The following TOX3 variants were observed in gnomAD, a reference collection of about 807,000 sequenced individuals.
TOX3 encodes CAG trinucleotide repeat-containing gene F9 protein.
A neutral mutation model predicts 64.3 loss-of-function variants in TOX3; 22 were observed. The observed-to-expected ratio is 0.34, with a 90% confidence interval of 0.24 to 0.49. The LOEUF is 0.49. TOX3 is among the 20% of genes least tolerant of loss of function. The probability of loss-of-function intolerance (pLI) is 0.99; values close to 1 mark genes in which losing one functional copy is unlikely to be tolerated. For synonymous variants in TOX3, 291 were observed against 273.6 expected, an observed-to-expected ratio of 1.06 and a Z score of -0.63; for missense variants, 661 against 714.4, an observed-to-expected ratio of 0.93 and a Z score of 0.85.
intron 1 of TOX3, among the ~76,000 whole-genome samples, chr16:52,507,381 G>A (rs1962186179): frequency 6.6e-6 from 1 of 152,192 alleles, no homozygotes; most frequent in Non-Finnish European, 1.5e-5. Context: ...AACACAGTGA[G>A]AGTGAGACCC....
intron 6 of TOX3, among the ~76,000 whole-genome samples, chr16:52,441,342 A>C (rs181400129): frequency 1.2e-3 from 186 of 152,332 alleles, no homozygotes; most frequent in Non-Finnish European, 2.3e-3. Flanking sequence ...TTAGTTCATC[A>C]ACTATTTTTG....
chr16:52,498,868 G>A (rs1280091770), intron 1 of TOX3, among the ~76,000 whole-genome samples: 1 of 152,188 alleles, frequency 6.6e-6, no homozygotes, highest in African/African-American at 2.4e-5. Flanking sequence ...GTATTCAAAT[G>A]AAGGATGTAC....
chr16:52,536,091 G>T (rs150842325), intron 1 of TOX3, among the ~76,000 whole-genome samples: 1 of 152,096 alleles, frequency 6.6e-6, no homozygotes, highest in Non-Finnish European at 1.5e-5. Context: ...CATTTTATGT[G>T]CCAGGCACTT....
rs1001381850 is a variant in TOX3, at chr16:52,450,367, A to G, written c.588T>C (p.Pro196=). The change falls in exon 4 of 7, where the codon CCT becomes CCC. Residue 196 remains proline, a synonymous_variant. Coordinates refer to ENST00000219746, the MANE Select transcript of TOX3 (RefSeq NM_001080430.4). Reference sequence around the variant, plus strand: ...TTGCTGGAGGTGAAGGAGATGTGTGAGGCATACTGGCACCTCCCAAATTCA... The same window carrying G: ...TTGCTGGAGGTGAAGGAGATGTGTGGGGCATACTGGCACCTCCCAAATTCA... ...LGLNLGGASM[P]HTSPSPPASK... is the part of the protein sequence containing the mutation. 1 of 1,613,860 alleles carries G rather than the reference A, an allele frequency of 6.2e-7. No individual in the cohort carries two copies. Among genetic ancestry groups the G allele is most frequent in the African/African-American group, 1.3e-5 (1 of 74,920 alleles).
In TOX3 at chr16:52,546,743, CCGGGGG is replaced by C; in HGVS notation, c.-26_-21del. On this transcript the variant is annotated 5_prime_UTR_variant, in exon 1 of 7. Coordinates refer to ENST00000219746, the MANE Select transcript of TOX3 (RefSeq NM_001080430.4). ...ATCCATGCCGAAGCTGGGCCCGGGG[CCGGGGG>C]CCGGGACTGGGGTTCGCCGGGGCCG... 1 of 1,502,066 alleles carries C rather than the reference CCGGGGG, an allele frequency of 6.7e-7. No homozygotes were observed. The highest frequency in any genetic ancestry group is 1.2e-5 in the South Asian group (1 of 80,478). The allele number at this position is 1,502,066 out of a possible 1,614,324, so 93.0% of individuals were successfully genotyped here.
intron 1 of TOX3, among the ~76,000 whole-genome samples, chr16:52,496,986 CG>C (rs749172987): frequency 7.9e-5 from 12 of 151,608 alleles, no homozygotes; most frequent in Non-Finnish European, 1.5e-4. Flanking sequence ...CTAATGTAGA[CG>C]GATGTTAAGT....
Position 52,510,778 on chromosome 16 carries a change from A to AAAAAAGAAG in TOX3, c.87+35858_87+35859insCTTCTTTTT, listed in dbSNP as rs574634087. Among the ~76,000 whole-genome samples the AAAAAAGAAG allele has an allele frequency of 1.8e-3, 208 of 115,142 alleles. 2 individuals carry two copies. Among genetic ancestry groups the AAAAAAGAAG allele is most frequent in the African/African-American group, 4.8e-3 (136 of 28,580 alleles). 75.5% of individuals were successfully genotyped at this position (115,142 alleles called of 152,430 possible). Reference sequence around the variant, plus strand: ...CTGTCTCAAAAAAAAAAAAAAAAAAAAAGAAGAAGAAGAAGAAGAAAAAGA... The same window carrying AAAAAAGAAG: ...CTGTCTCAAAAAAAAAAAAAAAAAAAAAAAAGAAGAAGAAGAAGAAGAAGAAGAAAAAGA... On this transcript the variant is annotated intron_variant, in intron 1 of 6. Transcript: ENST00000219746.
Position 52,540,713 on chromosome 16 carries a change from C to A in TOX3, c.87+5924G>T, listed in dbSNP as rs556396159. ...AGAAAGTACTCATTTGTGACCACTC[C>A]CACCACCATCACCTTGCTTCTTATT... On this transcript the variant is annotated intron_variant, in intron 1 of 6. Transcript: ENST00000219746. 2.0e-5 allele frequency among the ~76,000 whole-genome samples: 3 copies of A among 152,214 alleles called. No individual in the cohort carries two copies. In the South Asian group the frequency reaches 6.2e-4, roughly 32 times the overall value.
At chr16:52,459,054 C>T (rs1335549629) in intron 3 of TOX3, among the ~76,000 whole-genome samples, 2 of 152,114 alleles carry the variant, frequency 1.3e-5, no homozygotes, top group African/African-American at 4.8e-5. Flanking sequence ...TGGCTCATGC[C>T]TCTAATCACA....
intron 3 of TOX3, 89 bp from the exon 4 acceptor site, chr16:52,450,635 GA>G: frequency 6.6e-7 from 1 of 1,526,670 alleles, no homozygotes; most frequent in Non-Finnish European, 8.9e-7. Context: ...AGATAGGTTT[GA>G]ACTGTTGCAA....
chr16:52,530,075 A>G (rs1459484022), intron 1 of TOX3, among the ~76,000 whole-genome samples: 4 of 152,232 alleles, frequency 2.6e-5, no homozygotes, highest in Non-Finnish European at 4.4e-5. Flanking sequence ...TCTTCATGCC[A>G]TTCTCCTTAG....
intron 6 of TOX3, among the ~76,000 whole-genome samples, chr16:52,443,280 G>A (rs964451082): frequency 2.0e-5 from 3 of 152,148 alleles, no homozygotes; most frequent in Non-Finnish European, 4.4e-5. Flanking sequence ...CAGAGTCTGA[G>A]AAAGAGGTTT....
At chr16:52,522,682 AT>A (rs1374462706) in intron 1 of TOX3, among the ~76,000 whole-genome samples, 1 of 152,188 alleles carries the variant, frequency 6.6e-6, no homozygotes, top group Admixed American at 6.5e-5. Flanking sequence ...CTGGTCTTTC[AT>A]GCAACAACAG....
intron 4 of TOX3, among the ~76,000 whole-genome samples, chr16:52,446,928 T>C (rs1270459563): frequency 6.6e-6 from 1 of 152,154 alleles, no homozygotes; most frequent in Non-Finnish European, 1.5e-5. Context: ...AAAAGAGCAA[T>C]AGTTGATACT....
intron 1 of TOX3, among the ~76,000 whole-genome samples, chr16:52,479,839 G>A (rs1361084936): frequency 6.6e-6 from 1 of 152,156 alleles, no homozygotes; most frequent in Non-Finnish European, 1.5e-5. Context: ...CATCTGCCAT[G>A]GGCACTTTAG....
At chr16:52,521,739 T>A (rs866787133) in intron 1 of TOX3, among the ~76,000 whole-genome samples, 9 of 152,204 alleles carry the variant, frequency 5.9e-5, no homozygotes, top group Non-Finnish European at 1.3e-4. Context: ...GAAGGCAGCA[T>A]CAGCATCACC....
At chr16:52,445,807 A>G (rs768271208) in intron 5 of TOX3, 187 bp downstream of exon 5, 5 of 608,902 alleles carry the variant, frequency 8.2e-6, no homozygotes, top group Non-Finnish European at 8.4e-6. Context: ...ATAAGCTGAC[A>G]GAGAAATCAA....
intron 3 of TOX3, among the ~76,000 whole-genome samples, chr16:52,456,129 G>T (rs1040452060): frequency 4.6e-5 from 7 of 152,170 alleles, no homozygotes; most frequent in Non-Finnish European, 8.8e-5. Context: ...AAGGTTTATT[G>T]TCTGGGTTAG....
intron 1 of TOX3, among the ~76,000 whole-genome samples, chr16:52,489,983 C>A (rs1323439025): frequency 6.6e-6 from 1 of 152,158 alleles, no homozygotes; most frequent in Non-Finnish European, 1.5e-5. Flanking sequence ...CCACACTGCA[C>A]CTGGAGTTAC....
Sources: gnomAD v4.1 joint callset for allele counts (sites outside exome capture counted in the v4.1 genomes callset) on GRCh38, gnomAD v4.1.1 for gene constraint, MANE v1.5 for transcripts, NCBI Gene and HGNC (gene_info 2026-07-23, HGNC 2026-07-21) for gene names.